The following PUS10 variants were observed in gnomAD, a reference collection of about 807,000 sequenced individuals.
The protein encoded by PUS10 is tRNA pseudouridine synthase Pus10.
Under a neutral mutation model 75.0 loss-of-function variants are expected in PUS10, and 59 were observed. The observed-to-expected ratio is 0.79, with a 90% CI of 0.64 to 0.98. The LOEUF (loss-of-function observed/expected upper bound fraction) is 0.98, where lower values mean the gene tolerates loss of function less well. Ranked by LOEUF, PUS10 falls within the 50% of genes least tolerant of loss-of-function variation. The pLI, the probability that PUS10 is intolerant of heterozygous loss-of-function variation, is 0.00. For missense variants in PUS10, 650 were observed against 614.4 expected (o/e 1.06, Z -0.61); for synonymous variants, 219 against 211.6 (o/e 1.03, Z -0.30).
intron 6 of PUS10, chr2:60,966,054 T>C (rs1315358014): frequency 6.6e-6 from 1 of 152,102 alleles, no homozygotes; most frequent in Non-Finnish European, 1.5e-5. Context: ...GCAGAACCAT[T>C]AACAATTTGA....
At position 60,940,799 on chromosome 2, in the gene PUS10, CT is replaced by C. The variant is rs1234050679; in HGVS notation, c.*1595del. 2 of 152,260 alleles carry C rather than the reference CT, an allele frequency of 1.3e-5. No homozygotes were observed. Among genetic ancestry groups the C allele is most frequent in the African/African-American group, 2.4e-5 (1 of 41,444 alleles). The allele number at this position is 152,260 out of a possible 1,614,324, so 9.4% of individuals were successfully genotyped here. ...GGAACATCCACACAGAAATTCTTAC[CT>C]TTTTATCAAAAGTTTGTTATCCTTT... On this transcript the variant is annotated 3_prime_UTR_variant, in exon 18 of 18. Transcript: ENST00000316752.
At chr2:61,004,927 G>A (rs1240487087) in intron 4 of PUS10, among the ~76,000 whole-genome samples, 4 of 152,124 alleles carry the variant, frequency 2.6e-5, no homozygotes, top group Non-Finnish European at 5.9e-5. Context: ...GTTATAAAAA[G>A]TAGAGTTTAA....
At chr2:60,953,158 T>G (rs369200821) in intron 14 of PUS10, 44 bp from the exon 15 acceptor site, 20 of 1,095,998 alleles carry the variant, frequency 1.8e-5, no homozygotes, top group Non-Finnish European at 2.6e-5. Context: ...ATAAACAAAA[T>G]ACAAAAAAAC....
At chr2:60,992,904 C>G (rs7566109) in intron 4 of PUS10, among the ~76,000 whole-genome samples, 9,642 of 152,230 alleles carry the variant, frequency 0.063, 1,049 homozygotes, top group African/African-American at 0.22. Context: ...ACACAAGTAG[C>G]TTTCAAATTA....
intron 5 of PUS10, among the ~76,000 whole-genome samples, chr2:60,970,513 A>T (rs1362191664): frequency 6.6e-6 from 1 of 152,142 alleles, no homozygotes; most frequent in Admixed American, 6.5e-5. Context: ...ATTAAAAAAA[A>T]TTTTTAAATT....
intron 4 of PUS10, among the ~76,000 whole-genome samples, chr2:60,976,552 A>C (rs1677043860): frequency 6.6e-6 from 1 of 152,258 alleles, no homozygotes; most frequent in Non-Finnish European, 1.5e-5. Context: ...GGAGGTTGCC[A>C]AGGGAAACCA....
chr2:60,998,721 A>T lies in PUS10; in HGVS notation c.468+7836T>A, dbSNP rs563621184. 2.0e-5 allele frequency: 3 copies of T among 152,076 alleles called. No homozygotes were observed. In the East Asian group the frequency reaches 5.8e-4, roughly 29 times the overall value. The allele number at this position is 152,076 out of a possible 1,614,324, so 9.4% of individuals were successfully genotyped here. ...AAAAAAAGAAGACAATTTCTTAAAT[A>T]AAAAAATGCTGCTACAGAAATTGTA... is the stretch of plus-strand genomic sequence containing the variant. On this transcript the variant is annotated intron_variant, in intron 4 of 17. Transcript: ENST00000316752.
chr2:61,008,416 G>A (rs531230743), intron 3 of PUS10, among the ~76,000 whole-genome samples: 4 of 152,212 alleles, frequency 2.6e-5, no homozygotes, highest in Admixed American at 6.5e-5. Context: ...GCTTGAACCT[G>A]GGAGGCGGAG....
intron 4 of PUS10, among the ~76,000 whole-genome samples, chr2:60,976,140 T>A (rs1216014333): frequency 2.0e-5 from 3 of 152,240 alleles, no homozygotes; most frequent in African/African-American, 7.2e-5. Flanking sequence ...GCAGGACTAT[T>A]GTGATGATTT....
rs142641242 is a variant in PUS10 at position 60,956,410 on chromosome 2, G to A, written c.1001-1336C>T. ...TTACAGCTGCCCACCCCTGTCTCCC[G>A]GTCAGCCCCGTCAGGAAAACAGGGT... On this transcript the variant is annotated intron_variant, in intron 11 of 17. Coordinates refer to ENST00000316752, the MANE Select transcript of PUS10 (RefSeq NM_144709.4). Among the ~76,000 whole-genome samples the A allele has an allele frequency of 3.9e-4, 60 of 152,234 alleles. 1 individual carries two copies. In the South Asian group the frequency reaches 3.9e-3, roughly 10 times the overall value.
At chr2:60,943,031 T>C (rs1290290743) in intron 17 of PUS10, among the ~76,000 whole-genome samples, 1 of 122,130 alleles carries the variant, frequency 8.2e-6, no homozygotes, top group Non-Finnish European at 1.7e-5. Flanking sequence ...ACCCTATCTA[T>C]CTCAGAAAAA....
chr2:61,004,628 CAAAAA>C (rs70959883), intron 4 of PUS10, among the ~76,000 whole-genome samples: 16 of 67,288 alleles, frequency 2.4e-4, no homozygotes, highest in African/African-American at 6.2e-4. Context: ...GACTCCGTCT[CAAAAA>C]AAAAAAAAAA....
intron 8 of PUS10, among the ~76,000 whole-genome samples, 175 bp from the exon 9 acceptor site, chr2:60,963,065 T>A (rs1402176154): frequency 1.3e-5 from 2 of 152,246 alleles, no homozygotes; most frequent in African/African-American, 2.4e-5. Context: ...TAAGCATTCA[T>A]GTCAGTTCTG....
intron 4 of PUS10, among the ~76,000 whole-genome samples, chr2:60,987,290 A>G: frequency 6.6e-6 from 1 of 152,252 alleles, no homozygotes; most frequent in East Asian, 1.9e-4. Flanking sequence ...GACACGGGAA[A>G]GGAGAAAGGC....
At chr2:61,007,041 A>T (rs1679258128) in intron 3 of PUS10, among the ~76,000 whole-genome samples, 1 of 152,220 alleles carries the variant, frequency 6.6e-6, no homozygotes, top group South Asian at 2.1e-4. Flanking sequence ...GACAATAATA[A>T]GGACAACTAG....
At chr2:61,000,064 C>T (rs945980316) in intron 4 of PUS10, among the ~76,000 whole-genome samples, 2 of 151,990 alleles carry the variant, frequency 1.3e-5, no homozygotes, top group Admixed American at 6.6e-5. Context: ...ACCAACCCCC[C>T]ACAGATATCA....
chr2:60,957,902 C>T (rs1169960103), intron 11 of PUS10, among the ~76,000 whole-genome samples: 1 of 152,278 alleles, frequency 6.6e-6, no homozygotes, highest in African/African-American at 2.4e-5. Flanking sequence ...CAACCCCACA[C>T]ATTATGTAAC....
rs1234313146 is a variant in PUS10, at chr2:60,960,343, C to T, written c.1000+49G>A. Reference sequence around the variant, plus strand: ...TAGTTGACAAAGCAAGCCCCTATCTCAAAAAAAAAAAAAAAAAGAAAGAAA... The same window carrying T: ...TAGTTGACAAAGCAAGCCCCTATCTTAAAAAAAAAAAAAAAAAGAAAGAAA... On this transcript the variant is annotated intron_variant, in intron 11 of 17. Coordinates refer to ENST00000316752, the MANE Select transcript of PUS10 (RefSeq NM_144709.4). The T allele has an allele frequency of 2.5e-5, 29 of 1,139,296 alleles. No homozygotes were observed. The South Asian group carries it at 5.6e-4, about 22-fold the overall frequency. 70.6% of individuals were successfully genotyped at this position (1,139,296 alleles called of 1,614,324 possible).
intron 4 of PUS10, among the ~76,000 whole-genome samples, chr2:60,976,447 G>T (rs1243263755): frequency 6.6e-6 from 1 of 152,118 alleles, no homozygotes; most frequent in Non-Finnish European, 1.5e-5. Flanking sequence ...CTCTTCTTTT[G>T]AAGCAAACTC....
Sources: gnomAD v4.1 joint callset for allele counts (sites outside exome capture counted in the v4.1 genomes callset) on GRCh38, gnomAD v4.1.1 for gene constraint, MANE v1.5 for transcripts, NCBI Gene and HGNC (gene_info 2026-07-23, HGNC 2026-07-21) for gene names.